ACOT8: variants seen among roughly 807,000 people sequenced by gnomAD.
ACOT8 encodes the protein acyl-coenzyme A thioesterase 8.
In ACOT8, 31 loss-of-function variants were observed where a neutral mutation model predicts 38.4. The observed-to-expected ratio is 0.81, with a 90% CI of 0.61 to 1.09. ACOT8 has a LOEUF of 1.09. Among genes scored for constraint, ACOT8 ranks in the 50% least tolerant of loss-of-function variants. ACOT8 has a pLI of 0.00. For missense variants in ACOT8, 373 were observed against 421.8 expected (o/e 0.88, Z 1.01); for synonymous variants, 158 against 170.3 (o/e 0.93, Z 0.56).
At chr20:45,856,303 C>A (rs908165959) in intron 1 of ACOT8, among the ~76,000 whole-genome samples, 1 of 151,926 alleles carries the variant, frequency 6.6e-6, no homozygotes, top group Non-Finnish European at 1.5e-5. Flanking sequence ...AAGTTATTTA[C>A]AATTCCTTAA....
Position 45,857,176 on chromosome 20 carries a change from G to C in ACOT8, c.128+12C>G, listed in dbSNP as rs1568742453. ...CTAAAGGAGGGGATGCTGGGCAGGA[G>C]CTGCCGGCTACCTGAAGAGATCCTC... On this transcript the variant is annotated intron_variant, in intron 1 of 5. Transcript: ENST00000217455. 1 of 1,609,026 alleles carries C rather than the reference G, an allele frequency of 6.2e-7. No individual in the cohort carries two copies. Among genetic ancestry groups the C allele is most frequent in the Non-Finnish European group, 8.5e-7 (1 of 1,176,776 alleles).
chr20:45,855,049 C>A, intron 2 of ACOT8, 110 bp downstream of exon 2: 1 of 1,479,182 alleles, frequency 6.8e-7, no homozygotes, highest in Non-Finnish European at 9.2e-7. Flanking sequence ...TCCGCCACCC[C>A]TCCCCTTGTC....
chr20:45,854,295 C>T (rs893819748), intron 2 of ACOT8, among the ~76,000 whole-genome samples: 12 of 127,140 alleles, frequency 9.4e-5, no homozygotes, highest in South Asian at 2.5e-4. Flanking sequence ...CTGCAAGCTC[C>T]GCCTTCCGGG....
chr20:45,856,504 A>AC (rs753045981), intron 1 of ACOT8, among the ~76,000 whole-genome samples: 1 of 151,984 alleles, frequency 6.6e-6, no homozygotes, highest in Non-Finnish European at 1.5e-5. Flanking sequence ...ACACGGTGAA[A>AC]CCCCGTCTCT....
intron 2 of ACOT8, among the ~76,000 whole-genome samples, chr20:45,851,916 A>T (rs1601098887): frequency 6.6e-6 from 1 of 152,242 alleles, no homozygotes; most frequent in East Asian, 1.9e-4. Context: ...AACTGATTTG[A>T]TAAATGGCCA....
intron 1 of ACOT8, among the ~76,000 whole-genome samples, chr20:45,856,169 C>G (rs1985410597): frequency 6.6e-6 from 1 of 152,178 alleles, no homozygotes; most frequent in Non-Finnish European, 1.5e-5. Context: ...GAGACTGAGG[C>G]AGAAGGGTCA....
rs1984846610 is a variant in ACOT8 at position 45,848,568 on chromosome 20, AGAT to A, written c.367_369del (p.Ile123del). 1.2e-6 allele frequency: 2 copies of A among 1,614,162 alleles called. No homozygotes were observed. The highest frequency in any genetic ancestry group is 1.7e-6 in the Non-Finnish European group (2 of 1,180,028). Reference sequence around the variant, plus strand: ...TGGGCCTGCTGGAAGGAGGCCTGGCAGATGAAGATGGGCTTCCCATGTTGCACG... The same window carrying A: ...TGGGCCTGCTGGAAGGAGGCCTGGCAGAAGATGGGCTTCCCATGTTGCACG... On this transcript the variant is annotated inframe_deletion, in exon 3 of 6. Transcript: ENST00000217455.
chr20:45,842,122 C>T, intron 5 of ACOT8, 166 bp from the exon 6 acceptor site: 2 of 1,533,028 alleles, frequency 1.3e-6, no homozygotes, highest in Middle Eastern at 2.2e-4. Flanking sequence ...ATTACAGGCG[C>T]ACATCACCAT....
Position 45,857,280 on chromosome 20 carries a change from G to A in ACOT8, c.36C>T (p.Gly12=). 6.2e-7 allele frequency: 1 copy of A among 1,611,750 alleles called. No homozygotes were observed. Among genetic ancestry groups the A allele is most frequent in the Non-Finnish European group, 8.5e-7 (1 of 1,179,254 alleles). The change falls in exon 1 of 6, where the codon GGC becomes GGT. Residue 12 remains glycine, a synonymous_variant. Coordinates refer to ENST00000217455, the MANE Select transcript of ACOT8 (RefSeq NM_005469.4). ...SSPQAPEDGQ[G]CGDRGDPPGD... ...CAGGGGGATCGCCGCGGTCGCCACA[G>A]CCCTGCCCATCTTCTGGGGCCTGCG... is the stretch of plus-strand genomic sequence containing the variant.
In ACOT8 at chr20:45,841,882, C is replaced by A; in HGVS notation, c.916G>T (p.Gly306Cys). ...ACCTGGGGCTTCACTCGGATCACGC[C>A]CTCCTGGGCACAGGTCACAGCTAGG... ...GVLAVTCAQE[G>C]VIRVKPQVSE... The change falls in exon 6 of 6, where the codon GGC becomes TGC. Residue 306 changes from glycine (G) to cysteine (C), a missense_variant. By Grantham distance (159) the Gly-to-Cys change is radical. Transcript: ENST00000217455. 1 of 1,611,020 alleles carries A rather than the reference C, an allele frequency of 6.2e-7. No individual in the cohort carries two copies. Among genetic ancestry groups the A allele is most frequent in the Admixed American group, 1.7e-5 (1 of 59,750 alleles).
chr20:45,848,774 A>C, intron 2 of ACOT8, 99 bp from the exon 3 acceptor site: 12 of 1,094,994 alleles, frequency 1.1e-5, no homozygotes, highest in Non-Finnish European at 1.4e-5. Flanking sequence ...ATTTCATCTC[A>C]GTGACTACTA....
Position 45,844,433 on chromosome 20 carries a change from G to C in ACOT8, c.489-13C>G. The C allele has an allele frequency of 6.2e-7, 1 of 1,613,572 alleles. No individual in the cohort carries two copies. The highest frequency in any genetic ancestry group is 1.1e-5 in the South Asian group (1 of 91,042). On this transcript the variant is annotated splice_polypyrimidine_tract_variant and intron_variant, in intron 3 of 5. Transcript: ENST00000217455. The stretch of plus-strand genomic sequence containing the variant: ...GAGGTTAGGGTCCCTGAAAGTAAAG[G>C]GAAGAGGGTCGGGGTGAGACCCAGG...
chr20:45,845,233 C>T (rs559496156), intron 3 of ACOT8, among the ~76,000 whole-genome samples: 11 of 152,200 alleles, frequency 7.2e-5, no homozygotes, highest in East Asian at 3.9e-4. Context: ...GGATTACAGG[C>T]GCCTGCCACC....
At chr20:45,843,019 C>T (rs1884305056) in intron 5 of ACOT8, 11 of 1,100,048 alleles carry the variant, frequency 1.0e-5, no homozygotes, top group Middle Eastern at 4.3e-4. Context: ...CTGAATGCCC[C>T]GATCCCAATC....
At position 45,844,413 on chromosome 20, in the gene ACOT8, T is replaced by G; in HGVS notation, c.496A>C (p.Asn166His). The G allele has an allele frequency of 6.2e-7, 1 of 1,613,888 alleles. No homozygotes were observed. The highest frequency in any genetic ancestry group is 8.5e-7 in the Non-Finnish European group (1 of 1,179,934). ...TLIDQYLRDP[N>H]LQKRYPLALN... is the part of the protein sequence containing the mutation. Reference sequence around the variant, plus strand: ...GCCAATGGGTACCTCTTTTGGAGGTTAGGGTCCCTGAAAGTAAAGGGAAGA... The same window carrying G: ...GCCAATGGGTACCTCTTTTGGAGGTGAGGGTCCCTGAAAGTAAAGGGAAGA... Residue 166 changes from asparagine to histidine, a missense_variant, in exon 4 of 6, where the codon AAC (asparagine) becomes CAC (histidine). By Grantham distance (68) the Asn-to-His change is moderately conservative (BLOSUM62 1). Coordinates refer to ENST00000217455, the MANE Select transcript of ACOT8 (RefSeq NM_005469.4).
chr20:45,844,176 AG>A, intron 4 of ACOT8, 86 bp downstream of exon 4: 1 of 1,562,492 alleles, frequency 6.4e-7, no homozygotes, highest in Non-Finnish European at 8.8e-7. Flanking sequence ...GGCCCAGAGA[AG>A]GGAACTCATG....
At chr20:45,845,474 G>A (rs554030446) in intron 3 of ACOT8, among the ~76,000 whole-genome samples, 1 of 152,292 alleles carries the variant, frequency 6.6e-6, no homozygotes, top group South Asian at 2.1e-4. Flanking sequence ...GGGATTACAG[G>A]AGTGAGCTGC....
intron 2 of ACOT8, 25 bp from the exon 3 acceptor site, chr20:45,848,700 G>GGGTCCAC (rs1568737791): frequency 6.4e-7 from 1 of 1,572,210 alleles, no homozygotes; most frequent in Non-Finnish European, 8.7e-7. Context: ...AGGACACAGT[G>GGGTCCAC]GGTCCACAGG....
chr20:45,849,450 T>C (rs1348420118), intron 2 of ACOT8, among the ~76,000 whole-genome samples: 2 of 124,378 alleles, frequency 1.6e-5, no homozygotes, highest in African/African-American at 3.3e-5. Flanking sequence ...CATACCCAGC[T>C]AATTTTTTTT....
Sources: gnomAD v4.1 joint callset for allele counts (sites outside exome capture counted in the v4.1 genomes callset) on GRCh38, gnomAD v4.1.1 for gene constraint, MANE v1.5 for transcripts, NCBI Gene and HGNC (gene_info 2026-07-23, HGNC 2026-07-21) for gene names.